The following RGS7 variants were observed in gnomAD, a reference collection of about 807,000 sequenced individuals.
RGS7 encodes the protein regulator of G-protein signaling 7.
In RGS7, 27 loss-of-function variants were observed where a neutral mutation model predicts 81.1. That is an observed-to-expected ratio of 0.33 (90% CI 0.25 to 0.46). The LOEUF is 0.46. RGS7 is among the 20% of genes least tolerant of loss of function. The pLI is 1.00. For missense variants in RGS7, 396 were observed against 607.4 expected, an observed-to-expected ratio of 0.65 and a Z score of 3.66; for synonymous variants, 208 against 207.7, an observed-to-expected ratio of 1.00 and a Z score of -0.01.
rs142177799 is a variant in RGS7 at position 241,049,889 on chromosome 1, G to C, written c.175+48777C>G. Among the ~76,000 whole-genome samples, 93 of 152,204 alleles carry C rather than the reference G, an allele frequency of 6.1e-4. 1 individual carries two copies. Among genetic ancestry groups the C allele is most frequent in the African/African-American group, 2.0e-3 (84 of 41,524 alleles). On this transcript the variant is annotated intron_variant, in intron 3 of 18. Coordinates refer to ENST00000440928, the MANE Select transcript of RGS7 (RefSeq NM_001364886.1). ...GGGTCACACTGTACTAACCCAAAAA[G>C]GTTACAGCTATTTTATAAACACCAA... is the stretch of plus-strand genomic sequence containing the variant.
intron 3 of RGS7, among the ~76,000 whole-genome samples, chr1:241,055,757 A>T (rs922614864): frequency 6.6e-6 from 1 of 152,156 alleles, no homozygotes; most frequent in Non-Finnish European, 1.5e-5. Flanking sequence ...TGGGGAGTGG[A>T]GATGAAAGTT....
intron 2 of RGS7, among the ~76,000 whole-genome samples, chr1:241,321,685 A>C (rs1056638474): frequency 6.6e-6 from 1 of 152,182 alleles, no homozygotes; most frequent in African/African-American, 2.4e-5. Flanking sequence ...TTTACTATGA[A>C]CCTTAAAGAA....
At chr1:241,029,899 CT>C (rs1022988276) in intron 3 of RGS7, among the ~76,000 whole-genome samples, 1 of 152,094 alleles carries the variant, frequency 6.6e-6, no homozygotes, top group Admixed American at 6.5e-5. Context: ...TGATATTTGC[CT>C]TTTTAAAAAT....
chr1:241,137,734 G>A (rs776745458), intron 2 of RGS7, among the ~76,000 whole-genome samples: 1 of 152,200 alleles, frequency 6.6e-6, no homozygotes, highest in African/African-American at 2.4e-5. Context: ...GCAATGGCAG[G>A]AGTATCTATA....
chr1:240,886,979 T>C (rs1443819326), intron 6 of RGS7, among the ~76,000 whole-genome samples: 1 of 152,196 alleles, frequency 6.6e-6, no homozygotes, highest in African/African-American at 2.4e-5. Flanking sequence ...CTCTAGACCA[T>C]CCTGATTTGC....
intron 3 of RGS7, among the ~76,000 whole-genome samples, chr1:241,072,133 A>G (rs2062507305): frequency 1.3e-5 from 2 of 152,196 alleles, no homozygotes; most frequent in Non-Finnish European, 2.9e-5. Flanking sequence ...AACACAGAGC[A>G]CACCTGATGA....
chr1:241,171,022 A>C (rs1481331694), intron 2 of RGS7, among the ~76,000 whole-genome samples: 1 of 152,170 alleles, frequency 6.6e-6, no homozygotes, highest in Non-Finnish European at 1.5e-5. Context: ...CAGTCCTATA[A>C]ACTTTAATCA....
At chr1:241,244,759 T>C (rs1241684168) in intron 2 of RGS7, among the ~76,000 whole-genome samples, 2 of 151,962 alleles carry the variant, frequency 1.3e-5, no homozygotes, top group South Asian at 2.1e-4. Context: ...ATATACACCA[T>C]GGAATACTAT....
chr1:241,013,413 T>C (rs1183897189), intron 3 of RGS7, among the ~76,000 whole-genome samples: 1 of 152,208 alleles, frequency 6.6e-6, no homozygotes, highest in African/African-American at 2.4e-5. Flanking sequence ...TGTGTCCACA[T>C]GAATGTTCAC....
chr1:241,205,752 C>A (rs2073838187), intron 2 of RGS7, among the ~76,000 whole-genome samples: 1 of 152,028 alleles, frequency 6.6e-6, no homozygotes, highest in African/African-American at 2.4e-5. Flanking sequence ...TGAGCCACTG[C>A]ACCTGGCCAG....
intron 3 of RGS7, among the ~76,000 whole-genome samples, chr1:241,008,194 T>C (rs1046861834): frequency 2.6e-5 from 4 of 152,150 alleles, no homozygotes; most frequent in Admixed American, 6.6e-5. Context: ...CAAGTTTCTT[T>C]TAAGGCCAAA....
intron 2 of RGS7, among the ~76,000 whole-genome samples, chr1:241,117,133 T>C (rs1181327706): frequency 6.6e-6 from 1 of 152,200 alleles, no homozygotes; most frequent in Non-Finnish European, 1.5e-5. Flanking sequence ...GTCAGCTTTC[T>C]TTTCAAATAA....
intron 2 of RGS7, among the ~76,000 whole-genome samples, chr1:241,257,217 T>C (rs1465992131): frequency 6.6e-6 from 1 of 152,134 alleles, no homozygotes; most frequent in Non-Finnish European, 1.5e-5. Context: ...AGATTCAGTG[T>C]CTGTTGAGGG....
At chr1:240,886,126 A>T (rs534811907) in intron 6 of RGS7, among the ~76,000 whole-genome samples, 1 of 152,342 alleles carries the variant, frequency 6.6e-6, no homozygotes, top group East Asian at 1.9e-4. Flanking sequence ...TCCAAGCAAA[A>T]TGGTTAAAAT....
intron 3 of RGS7, among the ~76,000 whole-genome samples, chr1:241,039,577 T>C (rs552833111): frequency 6.5e-4 from 96 of 147,898 alleles, no homozygotes; most frequent in East Asian, 1.2e-3. Flanking sequence ...TTTTTTTTTT[T>C]CCCCCTTGGC....
chr1:241,302,906 T>A (rs916692693), intron 2 of RGS7, among the ~76,000 whole-genome samples: 1 of 152,054 alleles, frequency 6.6e-6, no homozygotes, highest in Non-Finnish European at 1.5e-5. Flanking sequence ...ACCACTGTAA[T>A]ACTATTATCA....
chr1:241,251,450 G>A (rs2076820819), intron 2 of RGS7, among the ~76,000 whole-genome samples: 1 of 152,100 alleles, frequency 6.6e-6, no homozygotes. Flanking sequence ...AGTTTGCCTG[G>A]AGTGAAGAAG....
At chr1:240,793,611 A>ATATATATATATATATT in intron 18 of RGS7, among the ~76,000 whole-genome samples, 69 of 78,770 alleles carry the variant, frequency 8.8e-4, no homozygotes, top group African/African-American at 5.2e-3. Context: ...ATATATATAT[A>ATATATATATATATATT]TTTTTTTTTT....
rs139693677 is a variant in RGS7, at chr1:240,895,007, A to T, written c.386-24888T>A. 7.9e-5 allele frequency among the ~76,000 whole-genome samples: 12 copies of T among 152,256 alleles called. No individual in the cohort carries two copies. In the East Asian group the frequency reaches 2.1e-3, roughly 27 times the overall value. On this transcript the variant is annotated intron_variant, in intron 6 of 18. Transcript: ENST00000440928. Reference sequence around the variant, plus strand: ...GGTGGGAGGTGTTTGGACCATGAGGATGGAACAGTCCGTCATGGCTTGGGG... The same window carrying T: ...GGTGGGAGGTGTTTGGACCATGAGGTTGGAACAGTCCGTCATGGCTTGGGG...
Sources: gnomAD v4.1 joint callset for allele counts (sites outside exome capture counted in the v4.1 genomes callset) on GRCh38, gnomAD v4.1.1 for gene constraint, MANE v1.5 for transcripts, NCBI Gene and HGNC (gene_info 2026-07-23, HGNC 2026-07-21) for gene names.